The following FSTL5 variants were observed in gnomAD, a reference collection of about 807,000 sequenced individuals.
The protein encoded by FSTL5 is follistatin-related protein 5.
FSTL5 carries 62 observed loss-of-function variants against 89.1 expected under a neutral mutation model. The observed-to-expected ratio is 0.70, with a 90% CI of 0.57 to 0.86. The LOEUF is 0.86. FSTL5 is among the 40% of genes least tolerant of loss of function. FSTL5 has a pLI of 0.00. For synonymous variants in FSTL5, 383 were observed against 346.2 expected, an observed-to-expected ratio of 1.11 and a Z score of -1.18; for missense variants, 1,057 against 1,001.6, an observed-to-expected ratio of 1.06 and a Z score of -0.75.
At chr4:161,983,809 C>T (rs4616699) in intron 3 of FSTL5, among the ~76,000 whole-genome samples, 130,894 of 151,974 alleles carry the variant, frequency 0.86, 57,030 homozygotes, top group East Asian at 0.96. Flanking sequence ...ATGTGATTCA[C>T]ATTAAATTAA....
intron 12 of FSTL5, among the ~76,000 whole-genome samples, chr4:161,488,799 T>A (rs935679754): frequency 1.3e-5 from 2 of 152,144 alleles, no homozygotes; most frequent in African/African-American, 4.8e-5. Context: ...AAACTTTTTT[T>A]TAAATTCTAC....
intron 13 of FSTL5, among the ~76,000 whole-genome samples, chr4:161,479,943 A>T (rs1374516130): frequency 1.3e-5 from 2 of 152,022 alleles, no homozygotes; most frequent in Non-Finnish European, 2.9e-5. Flanking sequence ...TGGGTGAGTG[A>T]ATGGATGGAT....
At position 162,141,155 on chromosome 4, in the gene FSTL5, C is replaced by T. The variant is rs1200761377; in HGVS notation, c.-17+22460G>A. ...TTTTTGAGACGGAGTTTCGCTCTGT[C>T]GCCCAGGCTGGAGTGCAGTGGCGCG... On this transcript the variant is annotated intron_variant, in intron 1 of 15. Transcript: ENST00000306100. Among the ~76,000 whole-genome samples the T allele has an allele frequency of 6.3e-5, 7 of 110,948 alleles. 2 individuals carry two copies. The highest frequency in any genetic ancestry group is 9.1e-5 in the Non-Finnish European group (5 of 54,664). 72.8% of individuals were successfully genotyped at this position (110,948 alleles called of 152,430 possible).
intron 7 of FSTL5, among the ~76,000 whole-genome samples, chr4:161,632,410 A>G (rs982950945): frequency 6.6e-6 from 1 of 152,128 alleles, no homozygotes; most frequent in South Asian, 2.1e-4. Flanking sequence ...ACAAAAAGAG[A>G]GAAAAATAGA....
At chr4:161,796,760 A>G (rs988259659) in intron 4 of FSTL5, among the ~76,000 whole-genome samples, 37 of 151,816 alleles carry the variant, frequency 2.4e-4, no homozygotes, top group African/African-American at 8.9e-4. Flanking sequence ...TTATAGAAAT[A>G]CATGCTATTC....
rs5863514 is a variant in FSTL5, at chr4:162,081,793, TTCTCTCTC to T, written c.126+29470_126+29477del. 1.9e-3 allele frequency among the ~76,000 whole-genome samples: 277 copies of T among 148,506 alleles called. 4 individuals carry two copies. The highest frequency in any genetic ancestry group is 2.8e-3 in the Admixed American group (42 of 14,826). On this transcript the variant is annotated intron_variant, in intron 2 of 15. Coordinates refer to ENST00000306100, the MANE Select transcript of FSTL5 (RefSeq NM_020116.5). ...ACCAGAAAGAAAATTAGAAAACTGC[TTCTCTCTC>T]TCTCTCTCTCTCTCTCTCACACACA...
At chr4:161,729,830 G>T (rs577605741) in intron 6 of FSTL5, among the ~76,000 whole-genome samples, 39 of 152,292 alleles carry the variant, frequency 2.6e-4, no homozygotes, top group African/African-American at 9.4e-4. Context: ...CAAAGATGGA[G>T]GGGTATTGTA....
intron 3 of FSTL5, among the ~76,000 whole-genome samples, chr4:161,928,673 T>C (rs1734196523): frequency 6.6e-6 from 1 of 151,812 alleles, no homozygotes; most frequent in Admixed American, 6.6e-5. Flanking sequence ...TAACATAAGA[T>C]TGATTGAGCG....
chr4:161,393,729 AC>A (rs1437309214), intron 15 of FSTL5, among the ~76,000 whole-genome samples: 1 of 152,196 alleles, frequency 6.6e-6, no homozygotes, highest in African/African-American at 2.4e-5. Flanking sequence ...TGAAGCTGTT[AC>A]CACTGCTGGT....
At chr4:161,413,725 T>C (rs1056719501) in intron 15 of FSTL5, among the ~76,000 whole-genome samples, 2 of 152,210 alleles carry the variant, frequency 1.3e-5, no homozygotes, top group Non-Finnish European at 2.9e-5. Context: ...ATACGAACCA[T>C]GGAATACTAC....
rs192162480 is a variant in FSTL5 at position 162,111,789 on chromosome 4, G to C, written c.-16-377C>G. Among the ~76,000 whole-genome samples, 6 of 152,178 alleles carry C rather than the reference G, an allele frequency of 3.9e-5. No individual in the cohort carries two copies. In the East Asian group the frequency reaches 1.2e-3, roughly 29 times the overall value. ...TATTAATATATAAATATTGAACTTT[G>C]AGTATGTTTGATGAACAAATCTTAA... On this transcript the variant is annotated intron_variant, in intron 1 of 15. Transcript: ENST00000306100.
At chr4:161,775,819 G>T in intron 5 of FSTL5, 59 bp downstream of exon 5, 1 of 858,604 alleles carries the variant, frequency 1.2e-6, no homozygotes. Flanking sequence ...TTTAGAAAAA[G>T]TAAATATATT....
At chr4:161,470,646 T>C (rs1169978517) in intron 13 of FSTL5, among the ~76,000 whole-genome samples, 1 of 152,172 alleles carries the variant, frequency 6.6e-6, no homozygotes, top group Non-Finnish European at 1.5e-5. Context: ...TTAGGGATTT[T>C]GATAAGAATT....
chr4:161,768,706 G>A (rs1051969209), intron 5 of FSTL5, among the ~76,000 whole-genome samples: 1 of 151,480 alleles, frequency 6.6e-6, no homozygotes, highest in East Asian at 1.9e-4. Flanking sequence ...TACAAAAGAA[G>A]CAACAGCGCC....
chr4:161,709,561 G>A (rs933329622), intron 6 of FSTL5, among the ~76,000 whole-genome samples: 9 of 152,216 alleles, frequency 5.9e-5, no homozygotes, highest in Admixed American at 5.9e-4. Context: ...AGCATTTTGG[G>A]AGGCCGAGGC....
chr4:161,911,710 C>T lies in FSTL5; in HGVS notation c.409+8694G>A, dbSNP rs147324116. Among the ~76,000 whole-genome samples, 1,241 of 152,206 alleles carry T rather than the reference C, an allele frequency of 8.2e-3. 13 individuals carry two copies. Among genetic ancestry groups the T allele is most frequent in the Middle Eastern group, 0.02 (6 of 294 alleles). On this transcript the variant is annotated intron_variant, in intron 4 of 15. Transcript: ENST00000306100. ...AATTTCTAGCTAGATGATATGATGT[C>T]TTAAACTAAAACAATTAGCATATTA...
chr4:161,992,938 ATATGTGTGTATATC>A (rs55686541), intron 3 of FSTL5, among the ~76,000 whole-genome samples: 95,489 of 109,308 alleles, frequency 0.87, 42,961 homozygotes, highest in Middle Eastern at 0.97. Flanking sequence ...GTGTATATAT[ATATGTGTGTATATC>A]TATATATATA....
In FSTL5 at chr4:161,974,403, G is replaced by A. The variant is rs1441919661; in HGVS notation, c.161-53751C>T. On this transcript the variant is annotated intron_variant, in intron 3 of 15. Transcript: ENST00000306100. Reference sequence around the variant, plus strand: ...AGCATGGTACTGGTACCAAAACAGAGATATAGATCAATGGAACAGAACAGA... The same window carrying A: ...AGCATGGTACTGGTACCAAAACAGAAATATAGATCAATGGAACAGAACAGA... 6.8e-3 allele frequency among the ~76,000 whole-genome samples: 990 copies of A among 146,660 alleles called. 10 individuals are homozygous for A. Among genetic ancestry groups the A allele is most frequent in the South Asian group, 0.024 (110 of 4,522 alleles).
intron 7 of FSTL5, among the ~76,000 whole-genome samples, chr4:161,632,792 A>T (rs1210043105): frequency 6.6e-6 from 1 of 152,222 alleles, no homozygotes; most frequent in South Asian, 2.1e-4. Flanking sequence ...ATTTTCATTA[A>T]TAAAATATTC....
Sources: gnomAD v4.1 joint callset for allele counts (sites outside exome capture counted in the v4.1 genomes callset) on GRCh38, gnomAD v4.1.1 for gene constraint, MANE v1.5 for transcripts, NCBI Gene and HGNC (gene_info 2026-07-23, HGNC 2026-07-21) for gene names.